SLC23A1: variants seen among roughly 807,000 people sequenced by gnomAD.
The protein encoded by SLC23A1 is Na(+)/L-ascorbic acid transporter 1.
In SLC23A1, 31 loss-of-function variants were observed where a neutral mutation model predicts 62.5. The ratio of observed to expected loss-of-function variants is 0.50; its 90% CI spans 0.37 to 0.67. The LOEUF (loss-of-function observed/expected upper bound fraction) is 0.67, where lower values mean the gene tolerates loss of function less well. Among genes scored for constraint, SLC23A1 ranks in the 30% least tolerant of loss-of-function variants. SLC23A1 has a pLI of 0.00. For synonymous variants in SLC23A1, 271 were observed against 313.2 expected, an observed-to-expected ratio of 0.87 and a Z score of 1.42; for missense variants, 640 against 782.7, an observed-to-expected ratio of 0.82 and a Z score of 2.18.
chr5:139,380,527 C>G, intron 5 of SLC23A1, 38 bp downstream of exon 5: 1 of 1,608,362 alleles, frequency 6.2e-7, no homozygotes, highest in Non-Finnish European at 8.5e-7. Flanking sequence ...AGCCCCTCCT[C>G]AGGACCCGGC....
At chr5:139,381,363 G>C (rs1028185249) in intron 3 of SLC23A1, among the ~76,000 whole-genome samples, 1 of 152,170 alleles carries the variant, frequency 6.6e-6, no homozygotes, top group South Asian at 2.1e-4. Flanking sequence ...GGTTTAAGAG[G>C]GGAGAGCCGG....
At chr5:139,376,627 G>A (rs1757961050) in intron 13 of SLC23A1, among the ~76,000 whole-genome samples, 1 of 152,188 alleles carries the variant, frequency 6.6e-6, no homozygotes, top group Non-Finnish European at 1.5e-5. Flanking sequence ...GCATCTTTAT[G>A]CGGGCCCCAC....
Position 139,378,772 on chromosome 5 carries a change from G to A in SLC23A1, c.1074-88C>T, listed in dbSNP as rs1023002340. 6.3e-6 allele frequency: 6 copies of A among 955,782 alleles called. No homozygotes were observed. The highest frequency in any genetic ancestry group is 2.1e-4 in the Middle Eastern group (1 of 4,830). 59.2% of individuals were successfully genotyped at this position (955,782 alleles called of 1,614,324 possible). On this transcript the variant is annotated intron_variant, in intron 9 of 14. Transcript: ENST00000348729. The surrounding 1 kb of genome is among the most constrained non-coding windows in gnomAD (Gnocchi z 4.5). ...ATCTTAGCAAGCTGCCGTCCTCTGG[G>A]GCTGTGGGGGCTGCAGCTATCAGCT...
At chr5:139,373,901 C>A (rs1037322731) in intron 13 of SLC23A1, among the ~76,000 whole-genome samples, 1 of 152,174 alleles carries the variant, frequency 6.6e-6, no homozygotes, top group African/African-American at 2.4e-5. Context: ...ACTGCCAAGA[C>A]ACACATGGCA....
Position 139,382,612 on chromosome 5 carries a change from G to C in SLC23A1, c.37-7C>G. The C allele has an allele frequency of 6.4e-7, 1 of 1,566,430 alleles. No individual in the cohort carries two copies. Among genetic ancestry groups the C allele is most frequent in the Non-Finnish European group, 8.8e-7 (1 of 1,137,714 alleles). On this transcript the variant is annotated splice_polypyrimidine_tract_variant and splice_region_variant and intron_variant, in intron 1 of 14. Transcript: ENST00000348729. ...GGTCCCTGGTGGTTTCATGCTGGAG[G>C]CAGCAGAGATAAGTAGCTTAGGGTG...
Position 139,379,630 on chromosome 5 carries a change from A to C in SLC23A1, c.925+48T>G, listed in dbSNP as rs774267084. The C allele has an allele frequency of 1.3e-6, 2 of 1,544,330 alleles. No individual in the cohort carries two copies. Among genetic ancestry groups the C allele is most frequent in the Non-Finnish European group, 1.8e-6 (2 of 1,131,340 alleles). On this transcript the variant is annotated intron_variant, in intron 8 of 14. Coordinates refer to ENST00000348729, the MANE Select transcript of SLC23A1 (RefSeq NM_005847.5). The surrounding 1 kb of genome is among the most constrained non-coding windows in gnomAD (Gnocchi z 4.7). ...ATTGGGGTCACCAGGAGTCTGTCTC[A>C]TAGGTGGTCTCAGTTGGGGGCAGAG...
In SLC23A1 at chr5:139,378,741, C is replaced by T; in HGVS notation, c.1074-57G>A. 1.5e-6 allele frequency: 2 copies of T among 1,316,618 alleles called. No individual in the cohort carries two copies. The highest frequency in any genetic ancestry group is 3.9e-5 in the Admixed American group (2 of 51,024). 81.6% of individuals were successfully genotyped at this position (1,316,618 alleles called of 1,614,324 possible). A position where few individuals can be genotyped will look rare whatever the true frequency, so the allele number is the denominator to read the frequency against. ...CAGCCTCTGCACCAGTCTGTGTTCC[C>T]CCATCATCTTAGCAAGCTGCCGTCC... On this transcript the variant is annotated intron_variant, in intron 9 of 14. Transcript: ENST00000348729. This position sits in a 1 kb window ranked among gnomAD's most constrained non-coding sequence, Gnocchi z 4.5.
rs561677366 is a variant in SLC23A1 at position 139,380,899 on chromosome 5, C to T, written c.309-13G>A. 4.7e-6 allele frequency: 2 copies of T among 427,936 alleles called. No homozygotes were observed. Among genetic ancestry groups the T allele is most frequent in the African/African-American group, 2.9e-5 (1 of 34,994 alleles). 26.5% of individuals were successfully genotyped at this position (427,936 alleles called of 1,614,324 possible). A position where few individuals can be genotyped will look rare whatever the true frequency, so the allele number is the denominator to read the frequency against. On this transcript the variant is annotated splice_polypyrimidine_tract_variant and intron_variant, in intron 3 of 14. Transcript: ENST00000348729. The stretch of plus-strand genomic sequence containing the variant: ...GAACAGCGGCAGCCTGGAGGAGAGG[C>T]ACAAAGCAACAGGGGTGGGGAGGGG...
intron 3 of SLC23A1, 44 bp from the exon 4 acceptor site, chr5:139,380,930 G>T: frequency 1.4e-6 from 1 of 711,212 alleles, no homozygotes; most frequent in South Asian, 1.7e-5. Context: ...AGGGGCGGGT[G>T]GGGAGGAGGG....
intron 13 of SLC23A1, among the ~76,000 whole-genome samples, chr5:139,376,575 G>A (rs1259432889): frequency 6.6e-6 from 1 of 152,170 alleles, no homozygotes; most frequent in East Asian, 1.9e-4. Flanking sequence ...TTAACTGTTT[G>A]TTATCAGAGC....
Position 139,378,171 on chromosome 5 carries a change from GT to G in SLC23A1, c.1309+50del. The G allele has an allele frequency of 6.2e-7, 1 of 1,613,248 alleles. No individual in the cohort carries two copies. Among genetic ancestry groups the G allele is most frequent in the Non-Finnish European group, 8.5e-7 (1 of 1,179,616 alleles). Reference sequence around the variant, plus strand: ...CGCCGCACACGCGTAATCCAGGTGAGTCCCACTCGGCGACCCGCACCGCGAC... The same window carrying G: ...CGCCGCACACGCGTAATCCAGGTGAGCCCACTCGGCGACCCGCACCGCGAC... On this transcript the variant is annotated intron_variant, in intron 11 of 14. Transcript: ENST00000348729. This position sits in a 1 kb window ranked among gnomAD's most constrained non-coding sequence, Gnocchi z 4.5.
At position 139,382,531 on chromosome 5, in the gene SLC23A1, G is replaced by A. The variant is rs114094244; in HGVS notation, c.111C>T (p.Asp37=). The A allele has an allele frequency of 3.5e-5, 56 of 1,613,464 alleles. No homozygotes were observed. The highest frequency in any genetic ancestry group is 3.3e-4 in the Middle Eastern group (2 of 6,050). Residue 37 remains aspartate (D), a synonymous_variant, in exon 2 of 15, where the codon GAC becomes GAT. Coordinates refer to ENST00000348729, the MANE Select transcript of SLC23A1 (RefSeq NM_005847.5). The part of the protein sequence containing the change: ...PKFDMLYKIE[D]VPPWYLCILL... ...GGATGCACAGGTACCAAGGTGGCAC[G>A]TCCTCGATCTTGTACAACATGTCAA...
intron 14 of SLC23A1, among the ~76,000 whole-genome samples, chr5:139,370,665 T>C (rs1175299084): frequency 6.6e-6 from 1 of 151,994 alleles, no homozygotes; most frequent in Non-Finnish European, 1.5e-5. Flanking sequence ...CTAATTTTTG[T>C]ATTTTTTTAG....
intron 14 of SLC23A1, chr5:139,368,618 G>C: frequency 1.4e-6 from 1 of 713,816 alleles, no homozygotes; most frequent in Admixed American, 2.4e-5. Context: ...TAGTCTTACA[G>C]ACTGAGTTCT....
At chr5:139,375,120 T>C (rs925587210) in intron 13 of SLC23A1, among the ~76,000 whole-genome samples, 8 of 152,174 alleles carry the variant, frequency 5.3e-5, no homozygotes, top group Non-Finnish European at 1.0e-4. Context: ...ACATGAACAC[T>C]TGGATCTTGA....
rs1660646153 is a variant in SLC23A1 at position 139,378,094 on chromosome 5, G to A, written c.1334C>T (p.Ser445Phe). 3 of 1,614,100 alleles carry A rather than the reference G, an allele frequency of 1.9e-6. No homozygotes were observed. The highest frequency in any genetic ancestry group is 1.3e-5 in the African/African-American group (1 of 74,950). Reference protein sequence around the residue: ...LFGMITAVGLSNLQFVDMNSS... With the variant: ...LFGMITAVGLFNLQFVDMNSS... ...GTTCATGTCCACAAATTGCAGGTTG[G>A]ACAGCCCCACAGCTGTAATCATGCC... The change falls in exon 12 of 15, where the codon TCC becomes TTC. Residue 445 changes from serine (S) to phenylalanine (F), a missense_variant. By Grantham distance (155) the Ser-to-Phe change is radical. Transcript: ENST00000348729. This position sits in a 1 kb window ranked among gnomAD's most constrained non-coding sequence, Gnocchi z 4.5.
rs866729030 is a variant in SLC23A1 at position 139,379,982 on chromosome 5, G to A, written c.742C>T (p.Arg248Cys). Reference sequence around the variant, plus strand: ...GGAAACATTTTGAAGATCTGGATGCGGAGGAGAGTGAGGCCCTTGCCCCAG... The same window carrying A: ...GGAAACATTTTGAAGATCTGGATGCAGAGGAGAGTGAGGCCCTTGCCCCAG... ...YRWGKGLTLL[R>C]IQIFKMFPIM... is the part of the protein sequence containing the mutation. The change falls in exon 7 of 15, where the codon CGC becomes TGC. Residue 248 changes from arginine (R) to cysteine (C), a missense_variant. Arg to Cys is a radical substitution (Grantham distance 180, BLOSUM62 -3). Coordinates refer to ENST00000348729, the MANE Select transcript of SLC23A1 (RefSeq NM_005847.5). This position sits in a 1 kb window ranked among gnomAD's most constrained non-coding sequence, Gnocchi z 4.7. The A allele has an allele frequency of 4.2e-5, 68 of 1,614,000 alleles. No homozygotes were observed. The highest frequency in any genetic ancestry group is 5.3e-5 in the Non-Finnish European group (62 of 1,180,022).
chr5:139,384,783 C>G (rs1342547415), upstream of SLC23A1: 1 of 979,850 alleles, frequency 1.0e-6, no homozygotes, highest in African/African-American at 1.7e-5. Context: ...CTAATCACCC[C>G]ACAGAAACAC....
Position 139,379,940 on chromosome 5 carries a change from C to T in SLC23A1, c.768+16G>A. 1 of 1,614,064 alleles carries T rather than the reference C, an allele frequency of 6.2e-7. No individual in the cohort carries two copies. The highest frequency in any genetic ancestry group is 8.5e-7 in the Non-Finnish European group (1 of 1,179,996). ...CTGGCCATAGTCCCAGCCCCAGCCG[C>T]CTGCCAGGTCCTCACAGGAAACATT... is the stretch of plus-strand genomic sequence containing the variant. On this transcript the variant is annotated intron_variant, in intron 7 of 14. Transcript: ENST00000348729. The surrounding 1 kb of genome is among the most constrained non-coding windows in gnomAD (Gnocchi z 4.7).
Sources: gnomAD v4.1 joint callset for allele counts (sites outside exome capture counted in the v4.1 genomes callset) on GRCh38, gnomAD v4.1.1 for gene constraint, Gnocchi (gnomAD v3.1) non-coding constraint, MANE v1.5 for transcripts, NCBI Gene and HGNC (gene_info 2026-07-23, HGNC 2026-07-21) for gene names.